DPP6: variants seen among roughly 807,000 people sequenced by gnomAD.
DPP6 encodes A-type potassium channel modulatory protein DPP6.
In DPP6, 69 loss-of-function variants were observed where a neutral mutation model predicts 122.6. The observed-to-expected ratio is 0.56, with a 90% confidence interval of 0.46 to 0.69. DPP6 has a LOEUF of 0.69. Among genes scored for constraint, DPP6 ranks in the 30% least tolerant of loss-of-function variants. The probability of loss-of-function intolerance (pLI) is 0.00; values close to 1 mark genes in which losing one functional copy is unlikely to be tolerated. For missense variants in DPP6, 928 were observed against 1,116.9 expected (o/e 0.83, Z 2.41); for synonymous variants, 418 against 433.1 (o/e 0.97, Z 0.43).
chr7:153,832,045 G>A, the DPP6 span, among the ~76,000 whole-genome samples: 1 of 152,216 alleles, frequency 6.6e-6, no homozygotes, highest in African/African-American at 2.4e-5. Context: ...AGAGGCTACA[G>A]GTGACAGGTG....
chr7:154,022,800 A>T (rs1234121292), intron 1 of DPP6, among the ~76,000 whole-genome samples: 1 of 152,184 alleles, frequency 6.6e-6, no homozygotes, highest in African/African-American at 2.4e-5. Context: ...CTTTCCTGGC[A>T]ATTGAAAGAA....
At chr7:154,854,726 A>G (rs1802684759) in intron 17 of DPP6, among the ~76,000 whole-genome samples, 1 of 152,060 alleles carries the variant, frequency 6.6e-6, no homozygotes. Context: ...GTTTGCTTGG[A>G]GGGACCCCAC....
chr7:154,065,484 A>C (rs1309750172), intron 1 of DPP6, among the ~76,000 whole-genome samples: 3 of 151,722 alleles, frequency 2.0e-5, no homozygotes. Context: ...CAAGGAAAAC[A>C]CAACCAGCAG....
intron 1 of DPP6, among the ~76,000 whole-genome samples, chr7:154,190,369 C>A (rs1026537593): frequency 6.6e-6 from 1 of 152,080 alleles, no homozygotes; most frequent in African/African-American, 2.4e-5. Flanking sequence ...ATAACACCAC[C>A]AGCCCCTCTA....
At chr7:153,928,471 A>G (rs891494714) in intron 1 of DPP6, among the ~76,000 whole-genome samples, 19 of 129,596 alleles carry the variant, frequency 1.5e-4, no homozygotes, top group Non-Finnish European at 2.6e-4. Context: ...TGAACTCCCA[A>G]CCTCAGGTGA....
intron 1 of DPP6, among the ~76,000 whole-genome samples, chr7:154,355,578 A>T (rs138870826): frequency 1.0e-3 from 159 of 152,278 alleles, no homozygotes; most frequent in African/African-American, 3.7e-3. Context: ...ATTTATTTGT[A>T]TATGAATATT....
At chr7:154,008,679 T>G (rs1195295538) in intron 1 of DPP6, among the ~76,000 whole-genome samples, 11 of 134,720 alleles carry the variant, frequency 8.2e-5, no homozygotes, top group Non-Finnish European at 1.3e-4. Context: ...TTTTTTTTTT[T>G]GAGACGGAGT....
At chr7:154,043,077 A>T (rs1244449637) in intron 1 of DPP6, among the ~76,000 whole-genome samples, 1 of 152,114 alleles carries the variant, frequency 6.6e-6, no homozygotes, top group Non-Finnish European at 1.5e-5. Context: ...TAAAATGTAG[A>T]TATAATCAGT....
intron 7 of DPP6, among the ~76,000 whole-genome samples, chr7:154,721,326 C>T (rs139771641): frequency 2.4e-4 from 36 of 152,252 alleles, no homozygotes; most frequent in East Asian, 1.2e-3. Flanking sequence ...CAATCCCAGC[C>T]GCACCCCTGA....
rs1330621910 is a variant in DPP6 at position 154,794,169 on chromosome 7, C to T, written c.1227C>T (p.Thr409=). 1.9e-6 allele frequency: 3 copies of T among 1,611,906 alleles called. No homozygotes were observed. Among genetic ancestry groups the T allele is most frequent in the Non-Finnish European group, 2.5e-6 (3 of 1,179,050 alleles). ...GGGCGCAGAACGTGTCCATCCTCACCCTCTGCGACGCCACCACGGGGGTCT... is the reference window on the plus strand; with the variant it reads ...GGGCGCAGAACGTGTCCATCCTCACTCTCTGCGACGCCACCACGGGGGTCT... ...LNRAQNVSIL[T]LCDATTGVCT... is the part of the protein sequence containing the mutation. Residue 409 remains threonine, a synonymous_variant, in exon 11 of 26, where the codon ACC becomes ACT. Coordinates refer to ENST00000377770, the MANE Select transcript of DPP6 (RefSeq NM_130797.4).
rs1344649582 is a variant in DPP6 at position 154,889,309 on chromosome 7, A to T, written c.2342A>T (p.Glu781Val). 1.2e-6 allele frequency: 2 copies of T among 1,613,078 alleles called. No homozygotes were observed. Among genetic ancestry groups the T allele is most frequent in the East Asian group, 4.5e-5 (2 of 44,854 alleles). Residue 781 changes from glutamate to valine, a missense_variant, in exon 24 of 26, where the codon GAA (glutamate) becomes GTA (valine). Transcript: ENST00000377770. ...KVAHRVSALE[E>V]QQFLIIHPTA... ...GCCCATCGAGTCTCCGCGCTGGAAG[A>T]ACAGCAGTTCCTGATCATTCATCCC...
At chr7:153,983,905 A>G (rs1392264374) in intron 1 of DPP6, among the ~76,000 whole-genome samples, 1 of 151,408 alleles carries the variant, frequency 6.6e-6, no homozygotes, top group African/African-American at 2.4e-5. Context: ...AGTGAGACGG[A>G]CTGTGTACCT....
chr7:154,875,845 T>C lies in DPP6; in HGVS notation c.1884-61T>C. 1 of 1,555,656 alleles carries C rather than the reference T, an allele frequency of 6.4e-7. No homozygotes were observed. The highest frequency in any genetic ancestry group is 8.7e-7 in the Non-Finnish European group (1 of 1,152,110). Reference sequence around the variant, plus strand: ...TACGGGGGTCATCTGACGTGGCAGCTGCTAGACCAGCCGCCACCCACCACG... The same window carrying C: ...TACGGGGGTCATCTGACGTGGCAGCCGCTAGACCAGCCGCCACCCACCACG... On this transcript the variant is annotated intron_variant, in intron 19 of 25. Transcript: ENST00000377770. This position sits in a 1 kb window ranked among gnomAD's most constrained non-coding sequence, Gnocchi z 4.5.
At chr7:154,036,056 A>G (rs1340131709) in intron 1 of DPP6, among the ~76,000 whole-genome samples, 1 of 151,928 alleles carries the variant, frequency 6.6e-6, no homozygotes, top group Non-Finnish European at 1.5e-5. Flanking sequence ...GTATGTGAAA[A>G]TAAACAATAT....
intron 12 of DPP6, among the ~76,000 whole-genome samples, chr7:154,797,649 G>C (rs894768544): frequency 6.6e-6 from 1 of 152,176 alleles, no homozygotes; most frequent in African/African-American, 2.4e-5. Context: ...GGAGTATGGA[G>C]AGGAACAGCT....
chr7:154,879,137 G>T (rs1449377742), intron 20 of DPP6, among the ~76,000 whole-genome samples: 2 of 152,160 alleles, frequency 1.3e-5, no homozygotes, highest in Non-Finnish European at 2.9e-5. Context: ...CTTCTCACAG[G>T]TTCCCTCCTT....
intron 1 of DPP6, among the ~76,000 whole-genome samples, chr7:154,062,747 G>A (rs534438565): frequency 4.4e-5 from 3 of 68,686 alleles, no homozygotes; most frequent in Admixed American, 1.4e-4. Context: ...GGCACCCTCC[G>A]CGAGGCAGGG....
At chr7:154,580,233 ACACACACACATG>A (rs1249113846) in intron 5 of DPP6, among the ~76,000 whole-genome samples, 6 of 149,632 alleles carry the variant, frequency 4.0e-5, no homozygotes, top group Non-Finnish European at 7.4e-5. Context: ...TCCCCCTTAT[ACACACACACATG>A]CACACACACA....
intron 1 of DPP6, among the ~76,000 whole-genome samples, chr7:154,242,687 C>G (rs1801701094): frequency 1.3e-5 from 2 of 152,164 alleles, no homozygotes; most frequent in South Asian, 4.1e-4. Context: ...GCCTCACTGA[C>G]CTGAGGAGGA....
Sources: gnomAD v4.1 joint callset for allele counts (sites outside exome capture counted in the v4.1 genomes callset) on GRCh38, gnomAD v4.1.1 for gene constraint, Gnocchi (gnomAD v3.1) non-coding constraint, MANE v1.5 for transcripts, NCBI Gene and HGNC (gene_info 2026-07-23, HGNC 2026-07-21) for gene names.